The following FSTL4 variants were observed in gnomAD, a reference collection of about 807,000 sequenced individuals.
FSTL4 encodes the protein follistatin like 4.
FSTL4 carries 28 observed loss-of-function variants against 78.2 expected under a neutral mutation model. The observed-to-expected ratio is 0.36, with a 90% CI of 0.27 to 0.49. The LOEUF (loss-of-function observed/expected upper bound fraction) is 0.49, where lower values mean the gene tolerates loss of function less well. Ranked by LOEUF, FSTL4 falls within the 20% of genes least tolerant of loss-of-function variation. The pLI is 0.98. For synonymous variants in FSTL4, 422 were observed against 440.5 expected (o/e 0.96, Z 0.53); for missense variants, 922 against 1,084.9 (o/e 0.85, Z 2.11).
Position 133,235,689 on chromosome 5 carries a change from C to T in FSTL4, c.895-2152G>A, listed in dbSNP as rs555935881. Among the ~76,000 whole-genome samples the T allele has an allele frequency of 9.9e-5, 15 of 152,026 alleles. No individual in the cohort carries two copies. In the South Asian group the frequency reaches 1.0e-3, roughly 11 times the overall value. On this transcript the variant is annotated intron_variant, in intron 7 of 15. Coordinates refer to ENST00000265342, the MANE Select transcript of FSTL4 (RefSeq NM_015082.2). ...AGAAGTAAAATGTTGCAGAGGGCTG[C>T]GGAAACCCTGAGAGTTTGTTGTGAA... is the stretch of plus-strand genomic sequence containing the variant.
chr5:133,487,229 C>A (rs1038289264), intron 3 of FSTL4, among the ~76,000 whole-genome samples: 3 of 152,226 alleles, frequency 2.0e-5, no homozygotes, highest in Non-Finnish European at 4.4e-5. Context: ...CCAAGTCATG[C>A]CCTTACATCT....
At chr5:133,223,434 C>T (rs1382743758) in intron 11 of FSTL4, among the ~76,000 whole-genome samples, 1 of 152,156 alleles carries the variant, frequency 6.6e-6, no homozygotes, top group East Asian at 1.9e-4. Context: ...GTGCTTAACC[C>T]ATCAATCACA....
chr5:133,604,068 T>C, intron 1 of FSTL4, 75 bp from the exon 2 acceptor site: 1 of 1,079,162 alleles, frequency 9.3e-7, no homozygotes, highest in Non-Finnish European at 1.4e-6. Context: ...AGTTAGTATG[T>C]GTTCCCCAGA....
Position 133,571,466 on chromosome 5 carries a change from T to C in FSTL4, c.127-4247A>G, listed in dbSNP as rs1160804384. Among the ~76,000 whole-genome samples the C allele has an allele frequency of 2.0e-5, 3 of 152,226 alleles. 1 individual carries two copies. The highest frequency in any genetic ancestry group is 7.2e-5 in the African/African-American group (3 of 41,458). ...ACCACAGAAACAGAGCCACATGTTATCCAGATCTTAGAATTCTTAGGCACA... is the reference window on the plus strand; with the variant it reads ...ACCACAGAAACAGAGCCACATGTTACCCAGATCTTAGAATTCTTAGGCACA... On this transcript the variant is annotated intron_variant, in intron 2 of 15. Coordinates refer to ENST00000265342, the MANE Select transcript of FSTL4 (RefSeq NM_015082.2).
chr5:133,331,134 C>T (rs1754335848), intron 4 of FSTL4, among the ~76,000 whole-genome samples: 1 of 152,200 alleles, frequency 6.6e-6, no homozygotes. Context: ...AGAGGGAAAG[C>T]AGCCCCGCAT....
Position 133,478,166 on chromosome 5 carries a change from G to A in FSTL4, c.161-77180C>T, listed in dbSNP as rs538328756. 2.0e-5 allele frequency among the ~76,000 whole-genome samples: 3 copies of A among 152,226 alleles called. No individual in the cohort carries two copies. The South Asian group carries it at 6.2e-4, about 32-fold the overall frequency. On this transcript the variant is annotated intron_variant, in intron 3 of 15. Coordinates refer to ENST00000265342, the MANE Select transcript of FSTL4 (RefSeq NM_015082.2). ...AGATATTACTAATGAAAAATGTGTG[G>A]GAATGAGCCACATAACCGATTCCCT...
chr5:133,734,103 A>G, the FSTL4 span, among the ~76,000 whole-genome samples: 1 of 152,242 alleles, frequency 6.6e-6, no homozygotes, highest in African/African-American at 2.4e-5. Context: ...TCTCTGATAA[A>G]AGAAAGTCAC....
At chr5:133,476,095 A>G (rs1334841788) in intron 3 of FSTL4, among the ~76,000 whole-genome samples, 1 of 152,242 alleles carries the variant, frequency 6.6e-6, no homozygotes, top group African/African-American at 2.4e-5. Context: ...TGCTGAGGCC[A>G]GCAGAAAGGT....
rs762963705 is a variant in FSTL4 at position 133,316,593 on chromosome 5, T to G, written c.469A>C (p.Thr157Pro). 5.8e-5 allele frequency: 93 copies of G among 1,613,918 alleles called. No individual in the cohort carries two copies. Among genetic ancestry groups the G allele is most frequent in the East Asian group, 3.1e-4 (14 of 44,878 alleles). The change falls in exon 5 of 16, where the codon ACC becomes CCC. Residue 157 changes from threonine to proline, a missense_variant. Coordinates refer to ENST00000265342, the MANE Select transcript of FSTL4 (RefSeq NM_015082.2). ...RLKNVLLALQTRLQPLQEGDS... is the reference protein window; with the variant it reads ...RLKNVLLALQPRLQPLQEGDS... ...CCTTCTTGGAGTGGCTGCAGACGGG[T>G]CTGGAGTGCCAGAAGGACATTCTTC...
chr5:133,599,766 C>T (rs1278191999), intron 2 of FSTL4, among the ~76,000 whole-genome samples: 2 of 151,722 alleles, frequency 1.3e-5, no homozygotes, highest in African/African-American at 2.4e-5. Context: ...AGCACCCAGG[C>T]CCCAAAAATG....
At chr5:133,429,172 A>C (rs1756886043) in intron 3 of FSTL4, among the ~76,000 whole-genome samples, 1 of 152,188 alleles carries the variant, frequency 6.6e-6, no homozygotes, top group Admixed American at 6.5e-5. Context: ...TCACATCAGC[A>C]GAAATCTGCT....
intron 6 of FSTL4, among the ~76,000 whole-genome samples, chr5:133,256,020 A>G (rs1396943197): frequency 6.6e-6 from 1 of 152,198 alleles, no homozygotes; most frequent in Non-Finnish European, 1.5e-5. Flanking sequence ...CTTATGTCAG[A>G]AACACACTAA....
the FSTL4 span, among the ~76,000 whole-genome samples, chr5:133,738,786 C>T: frequency 1.3e-5 from 2 of 152,150 alleles, no homozygotes; most frequent in East Asian, 1.9e-4. Context: ...GAGTTCTAAG[C>T]ATTGCGTGTA....
At chr5:133,347,863 A>T (rs1754730196) in intron 4 of FSTL4, among the ~76,000 whole-genome samples, 1 of 152,208 alleles carries the variant, frequency 6.6e-6, no homozygotes, top group African/African-American at 2.4e-5. Flanking sequence ...CCTAGTTTCC[A>T]CTTTAGAGAT....
the FSTL4 span, among the ~76,000 whole-genome samples, chr5:133,766,217 C>G: frequency 6.6e-6 from 1 of 151,840 alleles, no homozygotes; most frequent in African/African-American, 2.4e-5. Flanking sequence ...TGGTTTTTCC[C>G]TTTTTAAAGG....
intron 3 of FSTL4, among the ~76,000 whole-genome samples, chr5:133,502,419 C>A (rs1758518530): frequency 6.6e-6 from 1 of 152,206 alleles, no homozygotes. Flanking sequence ...AGAGCATCCC[C>A]TAGCTAATAG....
At chr5:133,771,086 CTG>C in the FSTL4 span, among the ~76,000 whole-genome samples, 1 of 152,026 alleles carries the variant, frequency 6.6e-6, no homozygotes, top group African/African-American at 2.4e-5. Flanking sequence ...ATCCATGTGT[CTG>C]TTTTTATAGC....
chr5:133,523,863 G>C (rs2112900805), intron 3 of FSTL4, among the ~76,000 whole-genome samples: 1 of 152,354 alleles, frequency 6.6e-6, no homozygotes, highest in South Asian at 2.1e-4. Context: ...TTTTGTCTTA[G>C]AGCCGACATC....
chr5:133,700,388 C>T, the FSTL4 span, among the ~76,000 whole-genome samples: 3 of 151,680 alleles, frequency 2.0e-5, no homozygotes, highest in Non-Finnish European at 4.4e-5. Context: ...ACACCAAACA[C>T]CACACCAAAC....
Sources: allele counts gnomAD v4.1 joint callset (sites outside exome capture counted in the v4.1 genomes callset), GRCh38; gene constraint gnomAD v4.1.1; transcripts MANE v1.5; gene names NCBI Gene and HGNC (gene_info 2026-07-23, HGNC 2026-07-21).